Variants in NAV3 observed in about 807,000 individuals in gnomAD.
NAV3 encodes neuron navigator 3.
Under a neutral mutation model 244.7 loss-of-function variants are expected in NAV3, and 87 were observed. The observed-to-expected ratio is 0.36, with a 90% CI of 0.30 to 0.42. The LOEUF (loss-of-function observed/expected upper bound fraction) is 0.42, where lower values mean the gene tolerates loss of function less well. NAV3 is among the 20% of genes least tolerant of loss of function. NAV3 has a pLI of 1.00. For synonymous variants in NAV3, 1,126 were observed against 1,042.2 expected, an observed-to-expected ratio of 1.08 and a Z score of -1.55; for missense variants, 2,663 against 2,893.3, an observed-to-expected ratio of 0.92 and a Z score of 1.83.
At chr12:78,167,646 G>A (rs1323274875) in intron 23 of NAV3, among the ~76,000 whole-genome samples, 1 of 151,394 alleles carries the variant, frequency 6.6e-6, no homozygotes, top group Non-Finnish European at 1.5e-5. Context: ...TGAGTAAAGA[G>A]AAATTATTTA....
intron 2 of NAV3, among the ~76,000 whole-genome samples, chr12:77,693,100 A>G (rs1875113838): frequency 6.6e-6 from 1 of 152,158 alleles, no homozygotes; most frequent in Admixed American, 6.6e-5. Flanking sequence ...GAGAAACGAG[A>G]GAAAAGGGGT....
chr12:77,843,125 T>C lies in NAV3; in HGVS notation c.243+11421T>C, dbSNP rs905450628. 4.6e-5 allele frequency among the ~76,000 whole-genome samples: 7 copies of C among 152,310 alleles called. No individual in the cohort carries two copies. The East Asian group carries it at 5.8e-4, about 13-fold the overall frequency. On this transcript the variant is annotated intron_variant, in intron 1 of 39. Coordinates refer to ENST00000397909, the MANE Select transcript of NAV3 (RefSeq NM_001024383.2). ...TTATTTGGATTCTGTTTCACATTTC[T>C]TTTCTCCTCAAAGCACCTGCTTTTT...
chr12:77,772,987 G>C (rs1870170622), intron 2 of NAV3, among the ~76,000 whole-genome samples: 1 of 152,144 alleles, frequency 6.6e-6, no homozygotes, highest in African/African-American at 2.4e-5. Context: ...AATCATCATA[G>C]TGAAAAAGTA....
At chr12:77,786,289 G>T (rs11837298) in intron 2 of NAV3, among the ~76,000 whole-genome samples, 2,667 of 151,648 alleles carry the variant, frequency 0.018, 76 homozygotes, top group African/African-American at 0.061. Flanking sequence ...GATATTATTT[G>T]TTTTTTTTCC....
chr12:77,900,742 G>A (rs536823481), intron 1 of NAV3, among the ~76,000 whole-genome samples: 2 of 152,238 alleles, frequency 1.3e-5, no homozygotes, highest in African/African-American at 4.8e-5. Flanking sequence ...TAATGAGATT[G>A]CTGGGTCAAA....
chr12:77,741,857 T>G (rs1056916184), intron 2 of NAV3, among the ~76,000 whole-genome samples: 2 of 152,144 alleles, frequency 1.3e-5, no homozygotes, highest in African/African-American at 2.4e-5. Context: ...TGGCATTAAT[T>G]GATGCTTATA....
chr12:78,109,391 A>G (rs1051994898), intron 12 of NAV3, among the ~76,000 whole-genome samples: 4 of 151,928 alleles, frequency 2.6e-5, no homozygotes, highest in African/African-American at 9.7e-5. Flanking sequence ...GAAGAATACC[A>G]GTCTTCTTGA....
Position 78,137,352 on chromosome 12 carries a change from C to T in NAV3, c.4617C>T (p.Asp1539=). The T allele has an allele frequency of 6.2e-7, 1 of 1,611,172 alleles. No individual in the cohort carries two copies. Among genetic ancestry groups the T allele is most frequent in the Non-Finnish European group, 8.5e-7 (1 of 1,179,144 alleles). ...TCAGTCATTCGGGCTCATTCAGAGA[C>T]AGCATGGAAGAAGGTAAGCGTTGAG... ...RAISHSGSFR[D]SMEEVHGSSL... is the part of the protein sequence containing the mutation. The change falls in exon 19 of 40, where the codon GAC becomes GAT. Residue 1539 remains aspartate, a synonymous_variant. Coordinates refer to ENST00000397909, the MANE Select transcript of NAV3 (RefSeq NM_001024383.2).
intron 1 of NAV3, among the ~76,000 whole-genome samples, chr12:77,845,619 T>C (rs1565850296): frequency 1.3e-5 from 2 of 151,982 alleles, no homozygotes; most frequent in Admixed American, 1.3e-4. Context: ...TTCTATTTTT[T>C]CATATTTTCA....
At chr12:78,203,316 ATAAT>A (rs1390794572) in intron 38 of NAV3, among the ~76,000 whole-genome samples, 1 of 152,132 alleles carries the variant, frequency 6.6e-6, no homozygotes, top group Non-Finnish European at 1.5e-5. Flanking sequence ...ACAAACAAAC[ATAAT>A]TAAGCTTTCC....
intron 2 of NAV3, among the ~76,000 whole-genome samples, chr12:77,813,743 CG>C (rs1186529601): frequency 6.6e-6 from 1 of 152,088 alleles, no homozygotes; most frequent in Non-Finnish European, 1.5e-5. Context: ...ACCACACAGT[CG>C]GCATTAGATT....
chr12:77,682,124 C>G (rs571045557), intron 2 of NAV3, among the ~76,000 whole-genome samples: 2 of 152,104 alleles, frequency 1.3e-5, no homozygotes, highest in Non-Finnish European at 2.9e-5. Flanking sequence ...AACCCACACC[C>G]TGGTCCCCTG....
At chr12:77,656,184 C>T (rs539006989) in intron 2 of NAV3, among the ~76,000 whole-genome samples, 1,674 of 143,632 alleles carry the variant, frequency 0.012, 20 homozygotes, top group Middle Eastern at 0.048. Context: ...AGAGTCAAGA[C>T]GCATCAGTGT....
intron 2 of NAV3, among the ~76,000 whole-genome samples, chr12:77,732,402 T>C (rs1877162652): frequency 6.6e-6 from 1 of 151,996 alleles, no homozygotes; most frequent in African/African-American, 2.4e-5. Context: ...CACTGCTTTA[T>C]GAGGTGCTTC....
chr12:77,870,962 T>C (rs532268147), intron 1 of NAV3, among the ~76,000 whole-genome samples: 4 of 152,256 alleles, frequency 2.6e-5, no homozygotes, highest in African/African-American at 9.6e-5. Flanking sequence ...GATTAAAAAA[T>C]TGTACACATG....
chr12:78,025,240 G>A (rs1174436307), intron 9 of NAV3, among the ~76,000 whole-genome samples: 1 of 151,874 alleles, frequency 6.6e-6, no homozygotes, highest in African/African-American at 2.4e-5. Context: ...TTCTAAGAAG[G>A]TTTCTTCCTT....
intron 9 of NAV3, among the ~76,000 whole-genome samples, chr12:78,043,313 T>G (rs1233470869): frequency 1.3e-5 from 2 of 152,260 alleles, no homozygotes; most frequent in Non-Finnish European, 2.9e-5. Context: ...TGCCACATTT[T>G]CTTTATGCAG....
Position 78,070,686 on chromosome 12 carries a change from A to T in NAV3, c.2636+11571A>T, listed in dbSNP as rs1374014081. ...CATCTAGCATTAGGTATATCTCCCG[A>T]TGCTATCCCTCCTCCCTCCCCCCAC... On this transcript the variant is annotated intron_variant, in intron 12 of 39. Transcript: ENST00000397909. Among the ~76,000 whole-genome samples the T allele has an allele frequency of 2.2e-4, 33 of 147,004 alleles. No homozygotes were observed. The Middle Eastern group carries it at 0.01, about 46-fold the overall frequency.
chr12:77,896,488 T>C (rs937790249), intron 1 of NAV3, among the ~76,000 whole-genome samples: 1 of 152,138 alleles, frequency 6.6e-6, no homozygotes, highest in Non-Finnish European at 1.5e-5. Flanking sequence ...TATTGGCAGG[T>C]AAATATAAAT....
Sources: gnomAD v4.1 joint callset for allele counts (sites outside exome capture counted in the v4.1 genomes callset) on GRCh38, gnomAD v4.1.1 for gene constraint, MANE v1.5 for transcripts, NCBI Gene and HGNC (gene_info 2026-07-23, HGNC 2026-07-21) for gene names.